Variants in PCDHA10 observed in about 807,000 individuals in gnomAD.
PCDHA10 encodes protocadherin alpha-10.
PCDHA10 carries 45 observed loss-of-function variants against 61.2 expected under a neutral mutation model. The ratio of observed to expected loss-of-function variants is 0.74; its 90% CI spans 0.58 to 0.94. The LOEUF is 0.94. Ranked by LOEUF, PCDHA10 falls within the 40% of genes least tolerant of loss-of-function variation. PCDHA10 has a pLI of 0.00. For missense variants in PCDHA10, 1,278 were observed against 1,236.2 expected, an observed-to-expected ratio of 1.03 and a Z score of -0.51; for synonymous variants, 602 against 548.8, an observed-to-expected ratio of 1.10 and a Z score of -1.35.
chr5:140,883,511 C>T (rs782295526), intron 1 of PCDHA10: 22 of 1,614,068 alleles, frequency 1.4e-5, no homozygotes, highest in Non-Finnish European at 1.8e-5. Flanking sequence ...CGCCCTGGAC[C>T]GCGAGAGCGT....
At chr5:140,971,366 G>A (rs1554233245) in intron 1 of PCDHA10, among the ~76,000 whole-genome samples, 1 of 152,186 alleles carries the variant, frequency 6.6e-6, no homozygotes, top group Non-Finnish European at 1.5e-5. Flanking sequence ...TTTGCCAGGA[G>A]AGTGCATGAC....
At chr5:140,956,038 A>T in intron 1 of PCDHA10, among the ~76,000 whole-genome samples, 1 of 152,182 alleles carries the variant, frequency 6.6e-6, no homozygotes, top group South Asian at 2.1e-4. Flanking sequence ...CAGCTTAAGA[A>T]GCTTTTGGGC....
intron 1 of PCDHA10, chr5:140,870,762 C>T (rs1581982773): frequency 1.2e-6 from 2 of 1,613,514 alleles, no homozygotes; most frequent in East Asian, 2.2e-5. Context: ...TGCAGGTGTT[C>T]GTGCTGGACG....
At chr5:140,966,974 C>T (rs782333304) in intron 1 of PCDHA10, 4 of 1,602,874 alleles carry the variant, frequency 2.5e-6, no homozygotes, top group Non-Finnish European at 3.4e-6. Flanking sequence ...GCTTGAGCTG[C>T]GGCGCTTGGG....
At chr5:140,938,881 A>T (rs2092243650) in intron 1 of PCDHA10, among the ~76,000 whole-genome samples, 1 of 152,088 alleles carries the variant, frequency 6.6e-6, no homozygotes, top group South Asian at 2.1e-4. Context: ...GAAGCAACAC[A>T]CACACACACA....
At chr5:140,927,104 C>CA in intron 1 of PCDHA10, 1 of 1,613,722 alleles carries the variant, frequency 6.2e-7, no homozygotes, top group Non-Finnish European at 8.5e-7. Flanking sequence ...GTGGATCTAC[C>CA]CAGCGGCAAT....
chr5:140,982,611 T>G, intron 3 of PCDHA10, 48 bp downstream of exon 3: 2 of 1,600,048 alleles, frequency 1.2e-6, no homozygotes, highest in South Asian at 2.2e-5. Flanking sequence ...TGGAAAGTGA[T>G]CAGATGACCT....
Position 141,011,434 on chromosome 5 carries a change from C to T in PCDHA10, c.*1497C>T, listed in dbSNP as rs934032017. The T allele has an allele frequency of 6.5e-6, 1 of 153,726 alleles. No homozygotes were observed. Among genetic ancestry groups the T allele is most frequent in the Non-Finnish European group, 1.5e-5 (1 of 68,038 alleles). 9.5% of individuals were successfully genotyped at this position (153,726 alleles called of 1,614,324 possible). ...ATGTGAATGTTAATGCAACTATTAC[C>T]TAGAGTGAACTTTAAGCTTTATTGT... On this transcript the variant is annotated 3_prime_UTR_variant, in exon 4 of 4. Coordinates refer to ENST00000307360, the MANE Select transcript of PCDHA10 (RefSeq NM_018901.4).
At chr5:140,990,011 G>T (rs1246081885) in intron 3 of PCDHA10, among the ~76,000 whole-genome samples, 1 of 152,074 alleles carries the variant, frequency 6.6e-6, no homozygotes, top group Non-Finnish European at 1.5e-5. Context: ...CAAGGGCGTG[G>T]GCTAGGCAAA....
At chr5:140,978,835 A>G in intron 1 of PCDHA10, 114 bp from the exon 2 acceptor site, 2 of 1,550,342 alleles carry the variant, frequency 1.3e-6, no homozygotes, top group Non-Finnish European at 1.7e-6. Flanking sequence ...TGGCTCATTC[A>G]ATACTTTTTT....
intron 1 of PCDHA10, chr5:140,967,365 T>G: frequency 6.2e-7 from 1 of 1,607,630 alleles, no homozygotes; most frequent in Non-Finnish European, 8.5e-7. Flanking sequence ...CTTAAGCCCC[T>G]GCAGGAGAAC....
At chr5:140,880,944 G>A (rs1256173059) in intron 1 of PCDHA10, among the ~76,000 whole-genome samples, 2 of 152,198 alleles carry the variant, frequency 1.3e-5, no homozygotes, top group African/African-American at 4.8e-5. Context: ...AATGGAGCAG[G>A]AGAGGATGAT....
At chr5:140,891,174 T>C (rs147745090) in intron 1 of PCDHA10, among the ~76,000 whole-genome samples, 2,208 of 152,320 alleles carry the variant, frequency 0.014, 24 homozygotes, top group Non-Finnish European at 0.022. Flanking sequence ...TTTTCAGATT[T>C]TCTGTGTGTC....
intron 1 of PCDHA10, among the ~76,000 whole-genome samples, chr5:140,942,619 T>TA (rs35075175): frequency 5.6e-4 from 83 of 148,996 alleles, no homozygotes; most frequent in Non-Finnish European, 6.7e-4. Flanking sequence ...TTGCCAATTG[T>TA]AAAAAAAAAA....
intron 1 of PCDHA10, among the ~76,000 whole-genome samples, chr5:140,906,376 C>T (rs1372120775): frequency 1.3e-5 from 2 of 152,166 alleles, no homozygotes; most frequent in Admixed American, 6.5e-5. Context: ...AATGCTATTA[C>T]ATAAAGTTAA....
rs2098414068 is a variant in PCDHA10 at position 141,009,729 on chromosome 5, G to T, written c.2639G>T (p.Gly880Val). The T allele has an allele frequency of 6.2e-7, 1 of 1,614,168 alleles. No homozygotes were observed. The highest frequency in any genetic ancestry group is 8.5e-7 in the Non-Finnish European group (1 of 1,180,028). ...GGCAACCCCAAACAATCCGGTCCCG[G>T]TGAGTTGCCCGACAAATTCATTATC... is the stretch of plus-strand genomic sequence containing the variant. ...GPGNPKQSGPGELPDKFIIPG... is the reference protein window; with the variant it reads ...GPGNPKQSGPVELPDKFIIPG... Residue 880 changes from glycine (G) to valine (V), a missense_variant, in exon 4 of 4, where the codon GGT becomes GTT. Transcript: ENST00000307360.
chr5:140,940,425 G>T (rs2153645742), intron 1 of PCDHA10, among the ~76,000 whole-genome samples: 1 of 152,034 alleles, frequency 6.6e-6, no homozygotes, highest in African/African-American at 2.4e-5. Flanking sequence ...AATTATTACT[G>T]ATCAAGTCTG....
chr5:140,919,335 G>A (rs1347619989), intron 1 of PCDHA10, among the ~76,000 whole-genome samples: 2 of 152,122 alleles, frequency 1.3e-5, no homozygotes, highest in African/African-American at 4.8e-5. Context: ...CTTTCAATCT[G>A]TTTGTATCTT....
rs868916626 is a variant in PCDHA10, at chr5:140,946,629, T to C, written c.2389-32320T>C. 3.4e-3 allele frequency among the ~76,000 whole-genome samples: 415 copies of C among 123,330 alleles called. 16 individuals carry two copies. The highest frequency in any genetic ancestry group is 0.017 in the Middle Eastern group (4 of 240). The allele number at this position is 123,330 out of a possible 152,430, so 80.9% of individuals were successfully genotyped here. On this transcript the variant is annotated intron_variant, in intron 1 of 3. Coordinates refer to ENST00000307360, the MANE Select transcript of PCDHA10 (RefSeq NM_018901.4). ...AATGTGAAATATATATATATATATATATACAATGGAATACTCATCAGCCAT... is the reference window on the plus strand; with the variant it reads ...AATGTGAAATATATATATATATATACATACAATGGAATACTCATCAGCCAT...
Sources: allele counts gnomAD v4.1 joint callset (sites outside exome capture counted in the v4.1 genomes callset), GRCh38; gene constraint gnomAD v4.1.1; transcripts MANE v1.5; gene names NCBI Gene and HGNC (gene_info 2026-07-23, HGNC 2026-07-21).